NT5DC1: variants seen among roughly 807,000 people sequenced by gnomAD.
The protein encoded by NT5DC1 is 5'-nucleotidase domain containing 1.
A neutral mutation model predicts 59.4 loss-of-function variants in NT5DC1; 42 were observed. The ratio of observed to expected loss-of-function variants is 0.71; its 90% CI spans 0.55 to 0.92. NT5DC1 has a LOEUF of 0.92. Ranked by LOEUF, NT5DC1 falls within the 40% of genes least tolerant of loss-of-function variation. The pLI, the probability that NT5DC1 is intolerant of heterozygous loss-of-function variation, is 0.00. For missense variants in NT5DC1, 501 were observed against 537.1 expected (o/e 0.93, Z 0.66); for synonymous variants, 172 against 188.1 (o/e 0.91, Z 0.70).
At chr6:116,187,265 G>C (rs1320468931) in intron 6 of NT5DC1, among the ~76,000 whole-genome samples, 2 of 152,084 alleles carry the variant, frequency 1.3e-5, no homozygotes, top group African/African-American at 4.8e-5. Flanking sequence ...AGGAAAGGTA[G>C]CAGGGGAGCG....
intron 6 of NT5DC1, among the ~76,000 whole-genome samples, chr6:116,147,961 G>A (rs1049765315): frequency 2.0e-5 from 3 of 151,684 alleles, no homozygotes; most frequent in Admixed American, 1.3e-4. Context: ...ACTCCAGCCT[G>A]GCGACAGAGC....
At chr6:116,178,082 TGTGTGTGCGCGC>T (rs1417969697) in intron 6 of NT5DC1, among the ~76,000 whole-genome samples, 16 of 107,304 alleles carry the variant, frequency 1.5e-4, no homozygotes, top group African/African-American at 4.3e-4. Flanking sequence ...TGTGTGTGTG[TGTGTGTGCGCGC>T]GCGCGCGCGT....
intron 5 of NT5DC1, among the ~76,000 whole-genome samples, chr6:116,116,001 G>A (rs1196154236): frequency 2.6e-5 from 4 of 151,932 alleles, no homozygotes; most frequent in Non-Finnish European, 5.9e-5. Context: ...CCAGCAGAGG[G>A]GGCAAAAGTT....
intron 10 of NT5DC1, among the ~76,000 whole-genome samples, 158 bp downstream of exon 10, chr6:116,238,506 T>C (rs558468746): frequency 4.0e-5 from 6 of 151,872 alleles, no homozygotes; most frequent in East Asian, 1.9e-4. Context: ...TTTGAAACTT[T>C]GTATTAATTT....
At chr6:116,121,231 AGGCCCTGGG>A in intron 6 of NT5DC1, 9 of 1,613,596 alleles carry the variant, frequency 5.6e-6, no homozygotes, top group Non-Finnish European at 7.6e-6. Context: ...CAAAGCCAGG[AGGCCCTGGG>A]GGCCCAGCTA....
chr6:116,109,231 C>A (rs1456538976), intron 3 of NT5DC1, among the ~76,000 whole-genome samples: 1 of 152,212 alleles, frequency 6.6e-6, no homozygotes, highest in Admixed American at 6.5e-5. Context: ...TATGTACTCT[C>A]TTTTGTTGCA....
At chr6:116,131,995 G>A (rs1158218295) in intron 6 of NT5DC1, among the ~76,000 whole-genome samples, 1 of 152,138 alleles carries the variant, frequency 6.6e-6, no homozygotes, top group Non-Finnish European at 1.5e-5. Flanking sequence ...TTTCTGCAAA[G>A]GACATTATCT....
chr6:116,199,991 A>G (rs1483658163), intron 6 of NT5DC1, among the ~76,000 whole-genome samples: 1 of 94,032 alleles, frequency 1.1e-5, no homozygotes, highest in Admixed American at 9.9e-5. Context: ...AGAGTACAGT[A>G]TGGAAAGTGG....
At chr6:116,135,654 A>G (rs1779572044) in intron 6 of NT5DC1, among the ~76,000 whole-genome samples, 1 of 151,368 alleles carries the variant, frequency 6.6e-6, no homozygotes. Flanking sequence ...AATTCAACTA[A>G]CAAACATTTT....
chr6:116,213,432 G>C (rs1250753052), intron 6 of NT5DC1, among the ~76,000 whole-genome samples: 1 of 152,102 alleles, frequency 6.6e-6, no homozygotes, highest in East Asian at 1.9e-4. Context: ...CAGGTAAGGA[G>C]TCGAAGCTGC....
At chr6:116,210,996 A>G (rs981768776) in intron 6 of NT5DC1, among the ~76,000 whole-genome samples, 6 of 152,012 alleles carry the variant, frequency 3.9e-5, no homozygotes, top group Non-Finnish European at 8.8e-5. Flanking sequence ...CTGGACCTCT[A>G]TCATCAGTAA....
intron 6 of NT5DC1, among the ~76,000 whole-genome samples, chr6:116,137,744 A>G (rs1012495673): frequency 6.6e-6 from 1 of 152,202 alleles, no homozygotes; most frequent in Non-Finnish European, 1.5e-5. Context: ...ACCTGTTTAT[A>G]TGGAAAACCA....
chr6:116,245,491 T>A lies in NT5DC1; in HGVS notation c.*1467T>A, dbSNP rs1242875475. ...AAACAAACAAAAAAAATCACTGAAA[T>A]TTTTCCCTCACAGTCAGTAGCTTTG... On this transcript the variant is annotated 3_prime_UTR_variant, in exon 12 of 12. Coordinates refer to ENST00000319550, the MANE Select transcript of NT5DC1 (RefSeq NM_152729.3). 2.0e-5 allele frequency: 3 copies of A among 152,484 alleles called. No individual in the cohort carries two copies. Among genetic ancestry groups the A allele is most frequent in the Admixed American group, 1.3e-4 (2 of 15,272 alleles). The allele number at this position is 152,484 out of a possible 1,614,324, so 9.4% of individuals were successfully genotyped here.
chr6:116,224,614 G>A (rs1390249802), intron 8 of NT5DC1, among the ~76,000 whole-genome samples: 1 of 152,186 alleles, frequency 6.6e-6, no homozygotes, highest in Non-Finnish European at 1.5e-5. Flanking sequence ...TCCTGGCAGT[G>A]GATCAAATGA....
intron 6 of NT5DC1, among the ~76,000 whole-genome samples, chr6:116,144,610 T>C (rs1289590540): frequency 6.6e-6 from 1 of 152,228 alleles, no homozygotes. Context: ...TATTTGGGTG[T>C]ATTTAAATTA....
chr6:116,204,718 A>G (rs1298703230), intron 6 of NT5DC1, among the ~76,000 whole-genome samples: 5 of 152,124 alleles, frequency 3.3e-5, no homozygotes, highest in African/African-American at 1.2e-4. Flanking sequence ...TGTTGTATTC[A>G]TATGCTGGAT....
intron 8 of NT5DC1, among the ~76,000 whole-genome samples, chr6:116,228,326 T>C (rs2067885829): frequency 6.6e-6 from 1 of 152,184 alleles, no homozygotes; most frequent in Admixed American, 6.5e-5. Flanking sequence ...CTGACCAACA[T>C]GGAGAAACCT....
At chr6:116,125,662 T>A in intron 6 of NT5DC1, 1 of 610,188 alleles carries the variant, frequency 1.6e-6, no homozygotes, top group Non-Finnish European at 2.7e-6. Flanking sequence ...GAGATCATTT[T>A]TTAGTTATGT....
intron 6 of NT5DC1, among the ~76,000 whole-genome samples, chr6:116,208,339 CTG>C (rs1210103235): frequency 6.6e-6 from 1 of 151,992 alleles, no homozygotes; most frequent in Non-Finnish European, 1.5e-5. Context: ...GGGCTGACTT[CTG>C]TTGAAAACAA....
Sources: gnomAD v4.1 joint callset for allele counts (sites outside exome capture counted in the v4.1 genomes callset) on GRCh38, gnomAD v4.1.1 for gene constraint, MANE v1.5 for transcripts, NCBI Gene and HGNC (gene_info 2026-07-23, HGNC 2026-07-21) for gene names.